The following SLC4A3 variants were observed in gnomAD, a reference collection of about 807,000 sequenced individuals.
SLC4A3 encodes the protein solute carrier family 4 member 3.
SLC4A3 carries 47 observed loss-of-function variants against 114.2 expected under a neutral mutation model. The observed-to-expected ratio is 0.41, with a 90% confidence interval of 0.33 to 0.52. SLC4A3 has a LOEUF of 0.52. SLC4A3 is among the 20% of genes least tolerant of loss of function. SLC4A3 has a pLI of 0.21. For synonymous variants in SLC4A3, 693 were observed against 710.3 expected, an observed-to-expected ratio of 0.98 and a Z score of 0.39; for missense variants, 1,312 against 1,668.3, an observed-to-expected ratio of 0.79 and a Z score of 3.72.
Position 219,634,527 on chromosome 2 carries a change from G to T in SLC4A3, c.1669G>T (p.Val557Leu). The change falls in exon 12 of 23, where the codon GTG (valine) becomes TTG (leucine). Residue 557 changes from valine (V) to leucine (L), a missense_variant. This residue lies in a region of SLC4A3 where 771 missense variants were observed against 977.7 expected (regional missense o/e 0.79). Transcript: ENST00000358055. ...CCCTGTCCCGGTCCGCTTCCTCTTC[G>T]TGATGCTGGGGCCCAGCCACACCAG... The part of the protein sequence containing the change: ...EVPVPVRFLF[V>L]MLGPSHTSTD... The T allele has an allele frequency of 2.5e-6, 4 of 1,614,200 alleles. No individual in the cohort carries two copies. Among genetic ancestry groups the T allele is most frequent in the Non-Finnish European group, 2.5e-6 (3 of 1,180,042 alleles).
chr2:219,633,675 CAAGAT>C (rs1699020530), intron 10 of SLC4A3, among the ~76,000 whole-genome samples, 200 bp from the exon 11 acceptor site: 1 of 152,218 alleles, frequency 6.6e-6, no homozygotes, highest in Non-Finnish European at 1.5e-5. Context: ...GCTGTTTAAA[CAAGAT>C]AAGGCTGAGG....
In SLC4A3 at chr2:219,639,439, C is replaced by T. The variant is rs1699239722; in HGVS notation, c.3024-43C>T. 19 of 1,596,490 alleles carry T rather than the reference C, an allele frequency of 1.2e-5. No homozygotes were observed. The highest frequency in any genetic ancestry group is 1.6e-5 in the Non-Finnish European group (19 of 1,172,540). The stretch of plus-strand genomic sequence containing the variant: ...GCGTGCCTGTCTTTGTCCCCTGCCC[C>T]TGCCAGGCCAGCCACACCCCGCTCC... On this transcript the variant is annotated intron_variant, in intron 19 of 22. Transcript: ENST00000358055. The surrounding 1 kb of genome is among the most constrained non-coding windows in gnomAD (Gnocchi z 5.9).
At position 219,638,325 on chromosome 2, in the gene SLC4A3, A is replaced by G; in HGVS notation, c.2856+72A>G. The stretch of plus-strand genomic sequence containing the variant: ...GAGAGGGAGCCCACAACACACTTCC[A>G]TGGGCCCTGGGATTGGGATCAGGCC... On this transcript the variant is annotated intron_variant, in intron 18 of 22. Coordinates refer to ENST00000358055, the MANE Select transcript of SLC4A3 (RefSeq NM_005070.4). The surrounding 1 kb of genome is among the most constrained non-coding windows in gnomAD (Gnocchi z 7.5). The G allele has an allele frequency of 1.7e-6, 2 of 1,189,904 alleles. No homozygotes were observed. Among genetic ancestry groups the G allele is most frequent in the Non-Finnish European group, 2.5e-6 (2 of 816,090 alleles). 73.7% of individuals were successfully genotyped at this position (1,189,904 alleles called of 1,614,324 possible).
At chr2:219,627,793 C>T (rs888735242) in intron 1 of SLC4A3, 48 bp downstream of exon 1, 15 of 453,864 alleles carry the variant, frequency 3.3e-5, no homozygotes, top group Non-Finnish European at 5.5e-5. Flanking sequence ...CCCGGGCTGT[C>T]CCGGGCGTGG....
rs1488107299 is a variant in SLC4A3 at position 219,637,550 on chromosome 2, G to A, written c.2536-31G>A. The stretch of plus-strand genomic sequence containing the variant: ...TGAAGTCAGGTCACCTGCCAGGTGA[G>A]TGACAAGGCATCCTTGTTATCCACA... On this transcript the variant is annotated intron_variant, in intron 16 of 22. Transcript: ENST00000358055. This position sits in a 1 kb window ranked among gnomAD's most constrained non-coding sequence, Gnocchi z 4.6. 1.6e-6 allele frequency: 2 copies of A among 1,258,766 alleles called. No individual in the cohort carries two copies. The highest frequency in any genetic ancestry group is 3.0e-5 in the African/African-American group (2 of 67,320). The allele number at this position is 1,258,766 out of a possible 1,614,324, so 78.0% of individuals were successfully genotyped here.
At position 219,639,481 on chromosome 2, in the gene SLC4A3, G is replaced by A. The variant is rs1270157219; in HGVS notation, c.3024-1G>A. 1 of 1,612,268 alleles carries A rather than the reference G, an allele frequency of 6.2e-7. No individual in the cohort carries two copies. ...CCCCGCTCCCCACCTTCTCCCTGCAGGCTTATCGTCAGCCAGAAGGCGCGG... is the reference window on the plus strand; with the variant it reads ...CCCCGCTCCCCACCTTCTCCCTGCAAGCTTATCGTCAGCCAGAAGGCGCGG... On this transcript the variant is annotated splice_acceptor_variant, in intron 19 of 22. Coordinates refer to ENST00000358055, the MANE Select transcript of SLC4A3 (RefSeq NM_005070.4). LOFTEE classifies it high-confidence loss of function. The surrounding 1 kb of genome is among the most constrained non-coding windows in gnomAD (Gnocchi z 5.9).
intron 21 of SLC4A3, 80 bp from the exon 22 acceptor site, chr2:219,640,709 G>A: frequency 1.3e-6 from 2 of 1,573,016 alleles, no homozygotes; most frequent in Non-Finnish European, 1.7e-6. Flanking sequence ...CTGTGACCTG[G>A]GAGCCAAATT....
In SLC4A3 at chr2:219,630,332, C is replaced by T; in HGVS notation, c.791C>T (p.Ala264Val). The stretch of plus-strand genomic sequence containing the variant: ...GCGGAGGCCCAGATGCTGGGTTCTG[C>T]AGACCTGGACGACATGAAGAGTGAG... ...DEAEAQMLGS[A>V]DLDDMKSHRL... The change falls in exon 6 of 23, where the codon GCA becomes GTA. Residue 264 changes from alanine (A) to valine (V), a missense_variant. By Grantham distance (64) the Ala-to-Val change is moderately conservative. Coordinates refer to ENST00000358055, the MANE Select transcript of SLC4A3 (RefSeq NM_005070.4). This position sits in a 1 kb window ranked among gnomAD's most constrained non-coding sequence, Gnocchi z 6.9. 2 of 1,606,132 alleles carry T rather than the reference C, an allele frequency of 1.2e-6. No homozygotes were observed. The highest frequency in any genetic ancestry group is 2.2e-5 in the South Asian group (2 of 90,878).
chr2:219,629,634 G>A lies in SLC4A3; in HGVS notation c.550G>A (p.Val184Ile). The A allele has an allele frequency of 1.9e-6, 3 of 1,613,286 alleles. No homozygotes were observed. The highest frequency in any genetic ancestry group is 2.5e-6 in the Non-Finnish European group (3 of 1,179,828). The change falls in exon 5 of 23, where the codon GTC (valine) becomes ATC (isoleucine). Residue 184 changes from valine (V) to isoleucine (I), a missense_variant. Physicochemically the swap from Val to Ile is conservative, Grantham distance 29. Around this residue, in one of 4 missense-constraint regions of SLC4A3, gnomAD observed 771 missense variants for 977.7 expected, o/e 0.79. Coordinates refer to ENST00000358055, the MANE Select transcript of SLC4A3 (RefSeq NM_005070.4). ...TCCAGGCCTCCCTGGGAGGGCTGCT[G>A]TCACCAAGCCCCTGCCCTCGGTGGG... ...DSPGLPGRAA[V>I]TKPLPSVGPH...
In SLC4A3 at chr2:219,630,365, T is replaced by A; in HGVS notation, c.811+13T>A. On this transcript the variant is annotated intron_variant, in intron 6 of 22. Transcript: ENST00000358055. This position sits in a 1 kb window ranked among gnomAD's most constrained non-coding sequence, Gnocchi z 6.9. ...GACGACATGAAGAGTGAGTGAGACC[T>A]TGTGGCAGCCCCCATGGTCCACTGC... The A allele has an allele frequency of 6.3e-7, 1 of 1,585,826 alleles. No homozygotes were observed. Among genetic ancestry groups the A allele is most frequent in the Non-Finnish European group, 8.6e-7 (1 of 1,165,720 alleles).
Position 219,633,012 on chromosome 2 carries a change from G to A in SLC4A3, c.1277+3G>A. 6.2e-7 allele frequency: 1 copy of A among 1,613,886 alleles called. No individual in the cohort carries two copies. Among genetic ancestry groups the A allele is most frequent in the East Asian group, 2.2e-5 (1 of 44,832 alleles). On this transcript the variant is annotated splice_donor_region_variant and intron_variant, in intron 9 of 22. Coordinates refer to ENST00000358055, the MANE Select transcript of SLC4A3 (RefSeq NM_005070.4). ...CGTACCCTGCTACTGAAGCACAGGT[G>A]CCGGGGTGGGTCCCTGGGAGGGGCC...
rs767839211 is a variant in SLC4A3 at position 219,636,655 on chromosome 2, A to G, written c.2341-25A>G. On this transcript the variant is annotated intron_variant, in intron 15 of 22. Coordinates refer to ENST00000358055, the MANE Select transcript of SLC4A3 (RefSeq NM_005070.4). The surrounding 1 kb of genome is among the most constrained non-coding windows in gnomAD (Gnocchi z 5.5). ...CACCCAGGGCAGTCCACCTGTGGGT[A>G]ACGACCGCTCCTACCCCCACCTAGT... 6.3e-7 allele frequency: 1 copy of G among 1,597,624 alleles called. No homozygotes were observed. The highest frequency in any genetic ancestry group is 8.5e-7 in the Non-Finnish European group (1 of 1,170,376).
At position 219,636,401 on chromosome 2, in the gene SLC4A3, T is replaced by G. The variant is rs757582819; in HGVS notation, c.2291T>G (p.Val764Gly). ...FSLLGAQPLL[V>G]VGFSGPLLVF... ...CTGCTGGGAGCTCAGCCGCTGCTTG[T>G]GGTTGGCTTCTCTGGGCCGCTGCTT... is the stretch of plus-strand genomic sequence containing the variant. Residue 764 changes from valine (V) to glycine (G), a missense_variant, in exon 15 of 23, where the codon GTG becomes GGG. By Grantham distance (109) the Val-to-Gly change is moderately radical. This residue lies in a region of SLC4A3 where 771 missense variants were observed against 977.7 expected (regional missense o/e 0.79). Transcript: ENST00000358055. This position sits in a 1 kb window ranked among gnomAD's most constrained non-coding sequence, Gnocchi z 5.5. 1 of 1,613,372 alleles carries G rather than the reference T, an allele frequency of 6.2e-7. No homozygotes were observed. Among genetic ancestry groups the G allele is most frequent in the Admixed American group, 1.7e-5 (1 of 59,906 alleles).
Position 219,631,566 on chromosome 2 carries a change from G to A in SLC4A3, c.812-402G>A, listed in dbSNP as rs149785968. The A allele has an allele frequency of 4.6e-4, 482 of 1,037,444 alleles. 1 individual carries two copies. The highest frequency in any genetic ancestry group is 4.6e-3 in the African/African-American group (279 of 60,264). The allele number at this position is 1,037,444 out of a possible 1,614,324, so 64.3% of individuals were successfully genotyped here. A position where few individuals can be genotyped will look rare whatever the true frequency, so the allele number is the denominator to read the frequency against. Reference sequence around the variant, plus strand: ...GTCTACTGGGCTGTGTACCTTCGGGGAGGGGACGTGGGTGTTGAGATAGGG... The same window carrying A: ...GTCTACTGGGCTGTGTACCTTCGGGAAGGGGACGTGGGTGTTGAGATAGGG... On this transcript the variant is annotated intron_variant, in intron 6 of 22. Coordinates refer to ENST00000358055, the MANE Select transcript of SLC4A3 (RefSeq NM_005070.4). This position sits in a 1 kb window ranked among gnomAD's most constrained non-coding sequence, Gnocchi z 6.3.
At position 219,638,866 on chromosome 2, in the gene SLC4A3, C is replaced by T. The variant is rs763195161; in HGVS notation, c.3020C>T (p.Thr1007Met). 9 of 1,613,316 alleles carry T rather than the reference C, an allele frequency of 5.6e-6. No individual in the cohort carries two copies. The highest frequency in any genetic ancestry group is 1.7e-5 in the Admixed American group (1 of 60,018). ...LILIFMETQI[T>M]ALIVSQKARR... ...CTGATCTTCATGGAGACACAGATCACGGCGTGAGAGAGATGGGAGGAGGAG... is the reference window on the plus strand; with the variant it reads ...CTGATCTTCATGGAGACACAGATCATGGCGTGAGAGAGATGGGAGGAGGAG... Residue 1007 changes from threonine (T) to methionine (M), a missense_variant, in exon 19 of 23, where the codon ACG becomes ATG. By Grantham distance (81) the Thr-to-Met change is moderately conservative. Coordinates refer to ENST00000358055, the MANE Select transcript of SLC4A3 (RefSeq NM_005070.4). The surrounding 1 kb of genome is among the most constrained non-coding windows in gnomAD (Gnocchi z 7.5).
Position 219,629,536 on chromosome 2 carries a change from T to C in SLC4A3, c.496-44T>C. The stretch of plus-strand genomic sequence containing the variant: ...AGGCTGGGTAGGGTTGGGGGCTGTA[T>C]GGTAGGTCGGGGCAAGGCCCCAGGG... On this transcript the variant is annotated intron_variant, in intron 4 of 22. Coordinates refer to ENST00000358055, the MANE Select transcript of SLC4A3 (RefSeq NM_005070.4). 5 of 1,583,518 alleles carry C rather than the reference T, an allele frequency of 3.2e-6. No homozygotes were observed. In the South Asian group the frequency reaches 5.5e-5, roughly 17 times the overall value.
Position 219,630,117 on chromosome 2 carries a change from C to T in SLC4A3, c.612-36C>T, listed in dbSNP as rs1454806658. ...ACGGTGATGGAACCACCGACCTGGC[C>T]CTGTCAAGTCCAAGGCTGCTGTGTT... On this transcript the variant is annotated intron_variant, in intron 5 of 22. Coordinates refer to ENST00000358055, the MANE Select transcript of SLC4A3 (RefSeq NM_005070.4). The surrounding 1 kb of genome is among the most constrained non-coding windows in gnomAD (Gnocchi z 6.9). 5 of 1,609,760 alleles carry T rather than the reference C, an allele frequency of 3.1e-6. No homozygotes were observed. The South Asian group carries it at 4.4e-5, about 14-fold the overall frequency.
intron 21 of SLC4A3, 44 bp downstream of exon 21, chr2:219,640,643 AG>A: frequency 6.3e-7 from 1 of 1,599,378 alleles, no homozygotes; most frequent in South Asian, 1.1e-5. Flanking sequence ...GGTGACGGGA[AG>A]GGGATCCAGA....
chr2:219,635,622 C>T, intron 13 of SLC4A3, 51 bp from the exon 14 acceptor site: 1 of 1,511,966 alleles, frequency 6.6e-7, no homozygotes, highest in Non-Finnish European at 9.0e-7. Context: ...AGCCCGGGGC[C>T]TCCGAGCCAG....
Sources: allele counts gnomAD v4.1 joint callset (sites outside exome capture counted in the v4.1 genomes callset), GRCh38; gene constraint gnomAD v4.1.1; regional missense constraint gnomAD v4.1.1; non-coding constraint Gnocchi (gnomAD v3.1); transcripts MANE v1.5; gene names NCBI Gene and HGNC (gene_info 2026-07-23, HGNC 2026-07-21).